The following FGF12 variants were observed in gnomAD, a reference collection of about 807,000 sequenced individuals.
FGF12 encodes the protein fibroblast growth factor 12, also known as fibroblast growth factor 12B.
Under a neutral mutation model 23.6 loss-of-function variants are expected in FGF12, and 14 were observed. That is an observed-to-expected ratio of 0.59 (90% confidence interval 0.39 to 0.93). The LOEUF (loss-of-function observed/expected upper bound fraction) is 0.93. Among genes scored for constraint, FGF12 ranks in the 40% least tolerant of loss-of-function variants. The probability of loss-of-function intolerance (pLI) is 0.00; values close to 1 mark genes in which losing one functional copy is unlikely to be tolerated. For synonymous variants in FGF12, 62 were observed against 77.3 expected, an observed-to-expected ratio of 0.80 and a Z score of 1.04; for missense variants, 175 against 217.8, an observed-to-expected ratio of 0.80 and a Z score of 1.24.
intron 2 of FGF12, among the ~76,000 whole-genome samples, chr3:192,536,640 C>T (rs1725229716): frequency 1.3e-5 from 2 of 151,520 alleles, no homozygotes; most frequent in Admixed American, 1.3e-4. Flanking sequence ...AAGATTTTTG[C>T]TTTTGATATT....
At chr3:192,482,432 G>A (rs1402809085) in intron 2 of FGF12, among the ~76,000 whole-genome samples, 3 of 151,982 alleles carry the variant, frequency 2.0e-5, no homozygotes, top group South Asian at 4.2e-4. Flanking sequence ...TCAGGGGTTC[G>A]AGACCAGCCT....
rs1485033835 is a variant in FGF12 at position 192,408,696 on chromosome 3, C to G, written c.14-48158G>C. 4.0e-6 allele frequency: 4 copies of G among 989,098 alleles called. No individual in the cohort carries two copies. Among genetic ancestry groups the G allele is most frequent in the Non-Finnish European group, 4.8e-6 (4 of 832,702 alleles). 61.3% of individuals were successfully genotyped at this position (989,098 alleles called of 1,614,324 possible). On this transcript the variant is annotated intron_variant, in intron 2 of 5. Transcript: ENST00000445105. The surrounding 1 kb of genome is among the most constrained non-coding windows in gnomAD (Gnocchi z 7.3). ...CCTACACATACATACATAGAAAACC[C>G]GTTTACAAAGCAGAGTCTGGACCCA...
At chr3:192,638,844 A>T in intron 2 of FGF12, among the ~76,000 whole-genome samples, 1 of 152,180 alleles carries the variant, frequency 6.6e-6, no homozygotes, top group East Asian at 1.9e-4. Context: ...GTCCCAAATG[A>T]TTCCCAGGAG....
rs1000108278 is a variant in FGF12, at chr3:192,143,255, C to T, written c.*754G>A. ...AAAAAAAAGAAAGAAAGAAGAACTC[C>T]GGAAATAATATCTTTGATAAAAATG... On this transcript the variant is annotated 3_prime_UTR_variant, in exon 6 of 6. Coordinates refer to ENST00000445105, the MANE Select transcript of FGF12 (RefSeq NM_004113.6). The T allele has an allele frequency of 6.7e-6, 1 of 150,348 alleles. No individual in the cohort carries two copies. Among genetic ancestry groups the T allele is most frequent in the African/African-American group, 2.4e-5 (1 of 40,984 alleles). 9.3% of individuals were successfully genotyped at this position (150,348 alleles called of 1,614,324 possible). A position where few individuals can be genotyped will look rare whatever the true frequency, so the allele number is the denominator to read the frequency against.
intron 4 of FGF12, among the ~76,000 whole-genome samples, chr3:192,334,386 T>G (rs772292176): frequency 6.6e-6 from 1 of 152,094 alleles, no homozygotes; most frequent in Non-Finnish European, 1.5e-5. Context: ...CCAGCAGACA[T>G]ATGGAAACTT....
chr3:192,265,629 A>G (rs1713032092), intron 4 of FGF12, among the ~76,000 whole-genome samples: 3 of 152,044 alleles, frequency 2.0e-5, no homozygotes. Context: ...TTAACTTTCA[A>G]TATCTATAAA....
At chr3:192,497,108 T>C (rs1723981070) in intron 2 of FGF12, among the ~76,000 whole-genome samples, 1 of 152,152 alleles carries the variant, frequency 6.6e-6, no homozygotes, top group East Asian at 1.9e-4. Flanking sequence ...CCATGTGAAA[T>C]TTAACACATT....
chr3:192,164,912 C>A (rs1715076319), intron 5 of FGF12, among the ~76,000 whole-genome samples: 1 of 152,004 alleles, frequency 6.6e-6, no homozygotes, highest in Non-Finnish European at 1.5e-5. Flanking sequence ...TGCTTTATAC[C>A]TGCCCTATGG....
intron 2 of FGF12, among the ~76,000 whole-genome samples, chr3:192,366,475 A>G (rs1243303336): frequency 6.6e-6 from 1 of 152,190 alleles, no homozygotes; most frequent in African/African-American, 2.4e-5. Flanking sequence ...TATTGAACCC[A>G]TCTCCTTCGT....
chr3:192,535,106 G>C (rs1011388022), intron 2 of FGF12, among the ~76,000 whole-genome samples: 28 of 152,054 alleles, frequency 1.8e-4, no homozygotes, highest in African/African-American at 6.3e-4. Context: ...TCCTGAAATA[G>C]TATATAAGGT....
chr3:192,346,715 C>A (rs1362046275), intron 3 of FGF12, among the ~76,000 whole-genome samples: 1 of 152,030 alleles, frequency 6.6e-6, no homozygotes, highest in African/African-American at 2.4e-5. Flanking sequence ...GTGGTAGCTG[C>A]CTGAAACAAT....
At chr3:192,318,265 G>A (rs565124608) in intron 4 of FGF12, among the ~76,000 whole-genome samples, 1 of 152,186 alleles carries the variant, frequency 6.6e-6, no homozygotes, top group South Asian at 2.1e-4. Flanking sequence ...TAAGACCCCA[G>A]GGACCAATCC....
At chr3:192,574,863 TG>T (rs1712805383) in intron 2 of FGF12, among the ~76,000 whole-genome samples, 2 of 152,218 alleles carry the variant, frequency 1.3e-5, no homozygotes, top group Admixed American at 1.3e-4. Context: ...TGAGAGACCC[TG>T]AACCAGAGCC....
chr3:192,342,570 C>T (rs1016382987), intron 3 of FGF12, among the ~76,000 whole-genome samples: 20 of 151,910 alleles, frequency 1.3e-4, no homozygotes, highest in Non-Finnish European at 2.4e-4. Context: ...CAGGAGTTTG[C>T]GACTAGCCTG....
At chr3:192,298,542 C>T (rs140899955) in intron 4 of FGF12, among the ~76,000 whole-genome samples, 2,470 of 152,216 alleles carry the variant, frequency 0.016, 35 homozygotes, top group South Asian at 0.027. Flanking sequence ...CACTTGAGGT[C>T]AGGAGTTCAA....
intron 2 of FGF12, among the ~76,000 whole-genome samples, chr3:192,596,224 T>C (rs1162430750): frequency 6.6e-6 from 1 of 151,494 alleles, no homozygotes; most frequent in Non-Finnish European, 1.5e-5. Context: ...TAACTGCTGA[T>C]GATATTGAAA....
chr3:192,251,133 C>CA (rs1019473902), intron 4 of FGF12, among the ~76,000 whole-genome samples: 2 of 152,118 alleles, frequency 1.3e-5, no homozygotes, highest in Admixed American at 6.6e-5. Context: ...TATGGAAACT[C>CA]TTCTGTCTCA....
intron 4 of FGF12, among the ~76,000 whole-genome samples, chr3:192,226,811 T>C (rs554124302): frequency 2.6e-5 from 4 of 152,280 alleles, no homozygotes; most frequent in African/African-American, 9.6e-5. Context: ...ATGATAGCTA[T>C]GTGAGGAATC....
intron 4 of FGF12, among the ~76,000 whole-genome samples, chr3:192,324,546 C>T (rs1716718106): frequency 6.6e-6 from 1 of 152,306 alleles, no homozygotes; most frequent in East Asian, 1.9e-4. Flanking sequence ...TATACAGCTC[C>T]ATATCCTCAT....
Sources: gnomAD v4.1 joint callset for allele counts (sites outside exome capture counted in the v4.1 genomes callset) on GRCh38, gnomAD v4.1.1 for gene constraint, Gnocchi (gnomAD v3.1) non-coding constraint, MANE v1.5 for transcripts, NCBI Gene and HGNC (gene_info 2026-07-23, HGNC 2026-07-21) for gene names.